Variants in FMN1 observed in about 807,000 individuals in gnomAD.
The protein encoded by FMN1 is formin 1.
Under a neutral mutation model 132.4 loss-of-function variants are expected in FMN1, and 110 were observed. The observed-to-expected ratio is 0.83, with a 90% CI of 0.71 to 0.97. The LOEUF is 0.97. Ranked by LOEUF, FMN1 falls within the 50% of genes least tolerant of loss-of-function variation. The pLI is 0.00. For synonymous variants in FMN1, 722 were observed against 651.7 expected, an observed-to-expected ratio of 1.11 and a Z score of -1.64; for missense variants, 1,792 against 1,705.3, an observed-to-expected ratio of 1.05 and a Z score of -0.90.
At chr15:33,161,883 A>C (rs1397585036) in intron 3 of FMN1, among the ~76,000 whole-genome samples, 4 of 151,420 alleles carry the variant, frequency 2.6e-5, no homozygotes, top group African/African-American at 9.7e-5. Flanking sequence ...GTGCCACTGC[A>C]CTCCAGCCTG....
At chr15:32,954,335 A>G (rs2061716891) in intron 9 of FMN1, among the ~76,000 whole-genome samples, 1 of 152,212 alleles carries the variant, frequency 6.6e-6, no homozygotes. Context: ...CCATCTGATT[A>G]GGCCTGGATC....
intron 9 of FMN1, among the ~76,000 whole-genome samples, chr15:32,948,088 T>G (rs2061548041): frequency 6.6e-6 from 1 of 152,028 alleles, no homozygotes; most frequent in African/African-American, 2.4e-5. Context: ...TGGACACTCT[T>G]TTTGAGGCTA....
chr15:32,877,185 G>T (rs1002791355), intron 16 of FMN1, among the ~76,000 whole-genome samples: 2 of 152,030 alleles, frequency 1.3e-5, no homozygotes, highest in Non-Finnish European at 2.9e-5. Context: ...TACTTTGCAG[G>T]CTGAGGCAGG....
chr15:33,174,469 ATTATGTT>A (rs1965443962), intron 3 of FMN1, among the ~76,000 whole-genome samples: 1 of 152,196 alleles, frequency 6.6e-6, no homozygotes, highest in Non-Finnish European at 1.5e-5. Context: ...TTTTGTGTAC[ATTATGTT>A]ATACAATCTT....
chr15:32,863,710 C>T (rs1040636524), intron 16 of FMN1, among the ~76,000 whole-genome samples: 4 of 152,164 alleles, frequency 2.6e-5, no homozygotes, highest in Non-Finnish European at 5.9e-5. Context: ...ACTTTAATCC[C>T]TTTAGTAAGA....
At position 33,136,172 on chromosome 15, in the gene FMN1, G is replaced by A. The variant is rs1016608258; in HGVS notation, c.1867+16876C>T. On this transcript the variant is annotated intron_variant, in intron 4 of 20. Coordinates refer to ENST00000616417, the MANE Select transcript of FMN1 (RefSeq NM_001277313.2). The stretch of plus-strand genomic sequence containing the variant: ...ACATCACAATGTGGTACAAAGGGAG[G>A]ACACAGGATTTAACATCAATGTTGT... Among the ~76,000 whole-genome samples, 5 of 152,180 alleles carry A rather than the reference G, an allele frequency of 3.3e-5. No homozygotes were observed. In the East Asian group the frequency reaches 9.6e-4, roughly 29 times the overall value.
intron 4 of FMN1, among the ~76,000 whole-genome samples, chr15:33,119,882 A>G (rs1962390777): frequency 6.6e-6 from 1 of 152,190 alleles, no homozygotes; most frequent in Admixed American, 6.5e-5. Flanking sequence ...ATGAAAAATC[A>G]CTGTATAATT....
chr15:33,104,468 G>A (rs1310349926), intron 4 of FMN1, among the ~76,000 whole-genome samples: 1 of 147,860 alleles, frequency 6.8e-6, no homozygotes, highest in African/African-American at 2.6e-5. Context: ...ATTACTGATA[G>A]AGATGCAGGA....
chr15:33,103,152 A>G (rs1026392376), intron 4 of FMN1, among the ~76,000 whole-genome samples: 1 of 152,122 alleles, frequency 6.6e-6, no homozygotes, highest in African/African-American at 2.4e-5. Context: ...TTTTATGTTC[A>G]GAACATCCAG....
At chr15:33,075,082 C>G (rs2038155129) in intron 5 of FMN1, among the ~76,000 whole-genome samples, 1 of 148,804 alleles carries the variant, frequency 6.7e-6, no homozygotes, top group South Asian at 2.2e-4. Context: ...ACACCATGCT[C>G]CACTCCTACA....
At chr15:32,831,379 T>C (rs1392528023) in intron 17 of FMN1, among the ~76,000 whole-genome samples, 2 of 152,122 alleles carry the variant, frequency 1.3e-5, no homozygotes, top group African/African-American at 4.8e-5. Context: ...CTAATACCGT[T>C]GCTAATAATA....
intron 6 of FMN1, among the ~76,000 whole-genome samples, chr15:33,023,516 G>C (rs1349902712): frequency 1.3e-5 from 2 of 152,118 alleles, no homozygotes; most frequent in African/African-American, 4.8e-5. Flanking sequence ...AACAATAGTA[G>C]GTGATTGTAA....
intron 6 of FMN1, among the ~76,000 whole-genome samples, chr15:33,023,826 G>T (rs1446272761): frequency 6.6e-6 from 1 of 152,140 alleles, no homozygotes; most frequent in Non-Finnish European, 1.5e-5. Context: ...TGAAATTTGT[G>T]GGGGAGGGAT....
At chr15:33,057,586 G>A (rs146426894) in intron 6 of FMN1, among the ~76,000 whole-genome samples, 27 of 152,096 alleles carry the variant, frequency 1.8e-4, no homozygotes, top group African/African-American at 6.3e-4. Context: ...GCCAAGCTTC[G>A]AACTCAAGTT....
At chr15:33,074,983 T>C (rs926134457) in intron 5 of FMN1, among the ~76,000 whole-genome samples, 12 of 128,126 alleles carry the variant, frequency 9.4e-5, no homozygotes, top group South Asian at 7.7e-4. Context: ...ATGGCACTAC[T>C]GCACTCCAGC....
intron 16 of FMN1, among the ~76,000 whole-genome samples, chr15:32,876,321 T>A (rs1240939963): frequency 1.3e-5 from 2 of 152,168 alleles, no homozygotes; most frequent in Non-Finnish European, 2.9e-5. Context: ...AGCTAAAATA[T>A]TGCTGTTAAA....
At chr15:32,979,961 C>G (rs1197039291) in intron 7 of FMN1, among the ~76,000 whole-genome samples, 2 of 152,172 alleles carry the variant, frequency 1.3e-5, no homozygotes, top group East Asian at 3.9e-4. Context: ...ATCACAATCA[C>G]CTTCTCCTTG....
At chr15:33,010,858 C>A (rs1284980405) in intron 6 of FMN1, among the ~76,000 whole-genome samples, 1 of 151,148 alleles carries the variant, frequency 6.6e-6, no homozygotes, top group Non-Finnish European at 1.5e-5. Context: ...TATGTAAAGA[C>A]CTCATATAAG....
At chr15:32,900,849 T>C (rs1404350135) in intron 13 of FMN1, among the ~76,000 whole-genome samples, 1 of 152,190 alleles carries the variant, frequency 6.6e-6, no homozygotes, top group African/African-American at 2.4e-5. Flanking sequence ...TATCCCCCTT[T>C]ATTTCAGGGT....
Sources: allele counts gnomAD v4.1 joint callset (sites outside exome capture counted in the v4.1 genomes callset), GRCh38; gene constraint gnomAD v4.1.1; transcripts MANE v1.5; gene names NCBI Gene and HGNC (gene_info 2026-07-23, HGNC 2026-07-21).